TNIP3: variants seen among roughly 807,000 people sequenced by gnomAD.
TNIP3 encodes TNFAIP3 interacting protein 3.
In TNIP3, 34 loss-of-function variants were observed where a neutral mutation model predicts 54.1. The ratio of observed to expected loss-of-function variants is 0.63; its 90% CI spans 0.48 to 0.84. The LOEUF is 0.84. Ranked by LOEUF, TNIP3 falls within the 40% of genes least tolerant of loss-of-function variation. The pLI is 0.00. For missense variants in TNIP3, 366 were observed against 387.6 expected, an observed-to-expected ratio of 0.94 and a Z score of 0.47; for synonymous variants, 134 against 136.8, an observed-to-expected ratio of 0.98 and a Z score of 0.14.
chr4:121,138,698 T>TA lies in TNIP3; in HGVS notation c.886-15dup. The TA allele has an allele frequency of 6.2e-7, 1 of 1,611,306 alleles. No homozygotes were observed. Among genetic ancestry groups the TA allele is most frequent in the Non-Finnish European group, 8.5e-7 (1 of 1,177,526 alleles). On this transcript the variant is annotated splice_polypyrimidine_tract_variant and intron_variant, in intron 9 of 10. Transcript: ENST00000057513. ...CTGATAGTCTGGCTGTGTGGAACAA[T>TA]ACAACATTATTATAGCAATATGGAC...
chr4:121,169,022 T>C (rs1296842851), upstream of TNIP3, among the ~76,000 whole-genome samples: 1 of 152,130 alleles, frequency 6.6e-6, no homozygotes, highest in Non-Finnish European at 1.5e-5. Context: ...GTTTTCCTGC[T>C]TCTATTTTTG....
intron 6 of TNIP3, among the ~76,000 whole-genome samples, chr4:121,149,851 C>T (rs1040553135): frequency 6.6e-6 from 1 of 152,108 alleles, no homozygotes; most frequent in African/African-American, 2.4e-5. Flanking sequence ...TTGGCGTGCC[C>T]CTCTTTTAAT....
intron 2 of TNIP3, among the ~76,000 whole-genome samples, chr4:121,187,055 TA>T (rs1475183507): frequency 6.6e-6 from 1 of 152,230 alleles, no homozygotes; most frequent in Non-Finnish European, 1.5e-5. Flanking sequence ...TTTTTTCCTA[TA>T]AAGCTCAACA....
chr4:121,140,352 A>G (rs1339264786), intron 9 of TNIP3, among the ~76,000 whole-genome samples: 1 of 152,108 alleles, frequency 6.6e-6, no homozygotes, highest in South Asian at 2.1e-4. Context: ...AGAAAAAAGA[A>G]AAAAAGAAAG....
At chr4:121,194,147 G>T (rs1336337583) in intron 2 of TNIP3, among the ~76,000 whole-genome samples, 2 of 151,936 alleles carry the variant, frequency 1.3e-5, no homozygotes, top group Non-Finnish European at 2.9e-5. Context: ...GTTATCTTGT[G>T]GTATATCCTT....
chr4:121,139,174 A>T (rs943800913), intron 9 of TNIP3, among the ~76,000 whole-genome samples: 4 of 152,152 alleles, frequency 2.6e-5, no homozygotes, highest in African/African-American at 9.7e-5. Flanking sequence ...CAGGATGGTG[A>T]AGCAGGGCAA....
At chr4:121,170,054 T>C (rs984621993) in intron 3 of TNIP3, among the ~76,000 whole-genome samples, 4 of 152,226 alleles carry the variant, frequency 2.6e-5, no homozygotes, top group Non-Finnish European at 5.9e-5. Flanking sequence ...CTGACCCACC[T>C]TGACCATCAG....
At chr4:121,144,781 A>G (rs1041072696) in intron 7 of TNIP3, among the ~76,000 whole-genome samples, 5 of 152,224 alleles carry the variant, frequency 3.3e-5, no homozygotes, top group Non-Finnish European at 7.3e-5. Context: ...TTTTACAGGC[A>G]GGTATACTAA....
intron 2 of TNIP3, among the ~76,000 whole-genome samples, chr4:121,211,522 G>A (rs1726477292): frequency 6.6e-6 from 1 of 152,106 alleles, no homozygotes. Flanking sequence ...CCAAACTCTA[G>A]TCTCTTCATT....
intron 2 of TNIP3, among the ~76,000 whole-genome samples, chr4:121,193,980 G>A (rs1258558780): frequency 6.6e-6 from 1 of 152,138 alleles, no homozygotes; most frequent in African/African-American, 2.4e-5. Flanking sequence ...GACCCAGATT[G>A]TAAGAGAATA....
At chr4:121,173,651 T>G (rs1287106676) in intron 3 of TNIP3, among the ~76,000 whole-genome samples, 1 of 152,160 alleles carries the variant, frequency 6.6e-6, no homozygotes, top group Non-Finnish European at 1.5e-5. Flanking sequence ...TTCTTTGAGA[T>G]GGAATCTGGC....
At chr4:121,134,377 T>C (rs1220342144) in intron 10 of TNIP3, among the ~76,000 whole-genome samples, 1 of 152,218 alleles carries the variant, frequency 6.6e-6, no homozygotes, top group Admixed American at 6.5e-5. Context: ...ACTAACTCTG[T>C]TATGACATAA....
At position 121,192,855 on chromosome 4, in the gene TNIP3, T is replaced by C. The variant is rs556385095; in HGVS notation, c.69-10059A>G. 6 of 152,322 alleles carry C rather than the reference T, an allele frequency of 3.9e-5. No homozygotes were observed. In the South Asian group the frequency reaches 1.2e-3, roughly 32 times the overall value. 9.4% of individuals were successfully genotyped at this position (152,322 alleles called of 1,614,324 possible). A position where few individuals can be genotyped will look rare whatever the true frequency, so the allele number is the denominator to read the frequency against. ...ATCCTTTCATGTAGGCCGTGCTAAT[T>C]GCCTCTGTATTCTTCCAATTTTAGT... On this transcript the variant is annotated intron_variant, in intron 2 of 12. Transcript: ENST00000507879.
intron 4 of TNIP3, among the ~76,000 whole-genome samples, chr4:121,155,496 T>A (rs1730028969): frequency 6.6e-6 from 1 of 152,172 alleles, no homozygotes. Context: ...ACTCTATTGT[T>A]GTGATTATTA....
rs1009973038 is a variant in TNIP3, at chr4:121,221,846, T to C, written c.4-5346A>G. 3.3e-5 allele frequency among the ~76,000 whole-genome samples: 5 copies of C among 152,202 alleles called. No individual in the cohort carries two copies. The East Asian group carries it at 9.6e-4, about 29-fold the overall frequency. On this transcript the variant is annotated intron_variant, in intron 1 of 12. Coordinates refer to the TNIP3 transcript ENST00000509841. ...TTCCTTCTAAGAAGTCTTTTTGTTTTATAGCAGTAAAGTTTTTTGCCACCA... is the reference window on the plus strand; with the variant it reads ...TTCCTTCTAAGAAGTCTTTTTGTTTCATAGCAGTAAAGTTTTTTGCCACCA...
chr4:121,157,178 C>G lies in TNIP3; in HGVS notation c.279G>C (p.Pro93=), dbSNP rs1408842338. The change falls in exon 4 of 11, where the codon CCG becomes CCC. Residue 93 remains proline (P), a synonymous_variant. Coordinates refer to ENST00000057513, the MANE Select transcript of TNIP3 (RefSeq NM_024873.6). ...ERFLSTREKD[P]HQRQRKDDRQ... ...TGTCGTCCTTTCTCTGCCTCTGATG[C>G]GGATCCTTCTCCCGCGTGCTGAGGA... 5.0e-6 allele frequency: 8 copies of G among 1,614,090 alleles called. No individual in the cohort carries two copies. In the South Asian group the frequency reaches 8.8e-5, roughly 18 times the overall value.
At chr4:121,168,160 G>A (rs1730866381), upstream of TNIP3, among the ~76,000 whole-genome samples, 1 of 152,134 alleles carries the variant, frequency 6.6e-6, no homozygotes, top group South Asian at 2.1e-4. Flanking sequence ...AGACTTCTCA[G>A]TTTAATAAGC....
intron 1 of TNIP3, among the ~76,000 whole-genome samples, chr4:121,224,375 GAAAAA>G (rs1727172669): frequency 7.1e-6 from 1 of 140,604 alleles, no homozygotes; most frequent in African/African-American, 3.1e-5. Flanking sequence ...AAAATAAAAA[GAAAAA>G]AGAAAAAAGA....
At chr4:121,132,814 T>C (rs1728553639) in intron 10 of TNIP3, 152 bp from the exon 11 acceptor site, 1 of 649,794 alleles carries the variant, frequency 1.5e-6, no homozygotes, top group Admixed American at 2.8e-5. Flanking sequence ...CACTGAGAAA[T>C]CAAGAAGCGG....
Sources: allele counts gnomAD v4.1 joint callset (sites outside exome capture counted in the v4.1 genomes callset), GRCh38; gene constraint gnomAD v4.1.1; transcripts MANE v1.5; gene names NCBI Gene and HGNC (gene_info 2026-07-23, HGNC 2026-07-21).